FANCB: variants seen among roughly 807,000 people sequenced by gnomAD.
FANCB encodes the protein FA complementation group B.
Under a neutral mutation model 38.9 loss-of-function variants are expected in FANCB, and 5 were observed. That is an observed-to-expected ratio of 0.13 (90% confidence interval 0.07 to 0.27). The LOEUF is 0.27. FANCB is among the 10% of genes least tolerant of loss of function. The pLI is 1.00. For missense variants in FANCB, 573 were observed against 602.7 expected (o/e 0.95, Z 0.52); for synonymous variants, 236 against 215.4 (o/e 1.10, Z -0.84).
the FANCB span, among the ~76,000 whole-genome samples, chrX:14,766,671 C>CT: frequency 3.3e-3 from 349 of 106,930 alleles, 2 homozygotes; most frequent in African/African-American, 0.01. Context: ...CTTTCTTTTT[C>CT]TTTTTTTTTT....
At chrX:14,796,549 A>T in the FANCB span, among the ~76,000 whole-genome samples, 1 of 98,427 alleles carries the variant, frequency 1.0e-5, no homozygotes, top group South Asian at 4.2e-4. Flanking sequence ...TGTTATATAT[A>T]ATAAATTATA....
downstream of FANCB, among the ~76,000 whole-genome samples, chrX:14,833,079 A>T (rs904181454): frequency 3.6e-5 from 4 of 112,643 alleles, no homozygotes; most frequent in South Asian, 1.4e-3. Context: ...ATAAGGCATG[A>T]ACAATAACCT....
chrX:14,719,287 C>T, the FANCB span, among the ~76,000 whole-genome samples: 1 of 111,882 alleles, frequency 8.9e-6, no homozygotes, highest in African/African-American at 3.3e-5. Context: ...GGAGAAGACA[C>T]TTTCAAACTC....
chrX:14,746,976 A>G, the FANCB span, among the ~76,000 whole-genome samples: 1 of 111,579 alleles, frequency 9.0e-6, no homozygotes, highest in East Asian at 2.8e-4. Flanking sequence ...GGTCATTTCT[A>G]CCCAACTCAG....
rs200948146 is a variant in FANCB, at chrX:14,844,883, G to A, written c.1900C>T (p.Leu634=). ...LEDLSTGKYL[L]TFPKKKPIEH... is the part of the protein sequence containing the mutation. The stretch of plus-strand genomic sequence containing the variant: ...ATAGGTTTCTTCTTTGGAAATGTCA[G>A]TAGGTACTTCCCAGTTGAAAGATCT... The change falls in exon 8 of 10, where the codon CTG becomes TTG. Residue 634 remains leucine (L), a synonymous_variant. Transcript: ENST00000650831. 1 of 1,203,645 alleles carries A rather than the reference G, an allele frequency of 8.3e-7. No homozygotes were observed. The highest frequency in any genetic ancestry group is 3.0e-5 in the East Asian group (1 of 33,745).
At chrX:14,763,447 G>A in the FANCB span, among the ~76,000 whole-genome samples, 2 of 111,924 alleles carry the variant, frequency 1.8e-5, no homozygotes, top group Admixed American at 1.9e-4. Flanking sequence ...ATTGTTCCAA[G>A]TACATAAAGT....
the FANCB span, among the ~76,000 whole-genome samples, chrX:14,812,924 C>T: frequency 9.6e-6 from 1 of 103,730 alleles, no homozygotes; most frequent in Non-Finnish European, 2.0e-5. Flanking sequence ...CAATAAAATA[C>T]TGGCAAACCG....
the FANCB span, among the ~76,000 whole-genome samples, chrX:14,747,151 G>T: frequency 8.9e-6 from 1 of 112,077 alleles, no homozygotes; most frequent in Non-Finnish European, 1.9e-5. Context: ...AAAATGGTAT[G>T]TTGTGCTCTG....
At chrX:14,711,448 G>A in the FANCB span, among the ~76,000 whole-genome samples, 8 of 112,098 alleles carry the variant, frequency 7.1e-5, no homozygotes, top group South Asian at 7.3e-4. Flanking sequence ...GAGCTGAGGC[G>A]GTGTGGGCCT....
At chrX:14,819,985 G>T in the FANCB span, among the ~76,000 whole-genome samples, 1 of 110,910 alleles carries the variant, frequency 9.0e-6, no homozygotes, top group Non-Finnish European at 1.9e-5. Context: ...CAAGTCAGAG[G>T]CTTCCCATTG....
the FANCB span, among the ~76,000 whole-genome samples, chrX:14,783,220 G>C: frequency 4.0e-3 from 446 of 112,380 alleles, 2 homozygotes; most frequent in Non-Finnish European, 5.4e-3. Flanking sequence ...CTCAGACTTT[G>C]AATCTGATCG....
At chrX:14,757,227 G>C in the FANCB span, among the ~76,000 whole-genome samples, 2 of 111,977 alleles carry the variant, frequency 1.8e-5, no homozygotes, top group African/African-American at 3.2e-5. Flanking sequence ...TACATCCCAC[G>C]GAATGGAAAT....
the FANCB span, among the ~76,000 whole-genome samples, chrX:14,763,825 CTA>C: frequency 1.8e-5 from 2 of 111,570 alleles, no homozygotes; most frequent in Non-Finnish European, 3.8e-5. Context: ...CGTTGTTCTC[CTA>C]TCTTAACAAC....
chrX:14,717,843 C>A, the FANCB span, among the ~76,000 whole-genome samples: 2 of 109,456 alleles, frequency 1.8e-5, no homozygotes, highest in African/African-American at 6.6e-5. Context: ...TCAAAGAAAT[C>A]ATCCACTGAT....
chrX:14,790,157 A>G, the FANCB span, among the ~76,000 whole-genome samples: 1 of 111,977 alleles, frequency 8.9e-6, no homozygotes, highest in African/African-American at 3.2e-5. Context: ...TGGAGCTAAC[A>G]TTGTATCTAT....
chrX:14,843,455 C>A lies in FANCB; in HGVS notation c.*112G>T, dbSNP rs951545082. 1.2e-5 allele frequency: 6 copies of A among 516,384 alleles called. No homozygotes were observed. The African/African-American group carries it at 1.4e-4, about 12-fold the overall frequency. The allele number at this position is 516,384 out of a possible 1,213,427, so 42.6% of individuals were successfully genotyped here. ...TGCATCATCAAAACTAAAGTTTCTA[C>A]TACAGTAAGCCTCGGTGTTTATTTT... On this transcript the variant is annotated 3_prime_UTR_variant, in exon 10 of 10. Coordinates refer to ENST00000650831, the MANE Select transcript of FANCB (RefSeq NM_001018113.3).
At chrX:14,835,365 A>G, downstream of FANCB, 1 of 422,039 alleles carries the variant, frequency 2.4e-6, no homozygotes, top group Non-Finnish European at 4.4e-6. Flanking sequence ...GTGGACAGAG[A>G]TAAACGACCC....
chrX:14,713,321 G>A, the FANCB span, among the ~76,000 whole-genome samples: 1 of 112,196 alleles, frequency 8.9e-6, no homozygotes, highest in South Asian at 3.7e-4. Flanking sequence ...TCATACTCCA[G>A]ATGGAAGATG....
rs115231094 is a variant in FANCB, at chrX:14,865,724, T to C, written c.-70-144A>G. ...TTTTTATACTATTTTGACAATATCA[T>C]ACTTATAAAAAAAATTCTAAATATT... On this transcript the variant is annotated intron_variant, in intron 2 of 9. Coordinates refer to ENST00000650831, the MANE Select transcript of FANCB (RefSeq NM_001018113.3). The C allele has an allele frequency of 0.01, 3,444 of 338,187 alleles. 93 individuals carry two copies. The highest frequency in any genetic ancestry group is 0.081 in the African/African-American group (3,082 of 38,259). The allele number at this position is 338,187 out of a possible 1,213,427, so 27.9% of individuals were successfully genotyped here. A position where few individuals can be genotyped will look rare whatever the true frequency, so the allele number is the denominator to read the frequency against.
Sources: allele counts gnomAD v4.1 joint callset (sites outside exome capture counted in the v4.1 genomes callset), GRCh38; gene constraint gnomAD v4.1.1; transcripts MANE v1.5; gene names NCBI Gene and HGNC (gene_info 2026-07-23, HGNC 2026-07-21).